STXBP6: variants seen among roughly 807,000 people sequenced by gnomAD.
STXBP6 encodes the protein syntaxin binding protein 6.
STXBP6 carries 21 observed loss-of-function variants against 26.9 expected under a neutral mutation model. The ratio of observed to expected loss-of-function variants is 0.78; its 90% CI spans 0.55 to 1.12. STXBP6 has a LOEUF of 1.12. STXBP6 is among the 50% of genes most tolerant of loss of function. STXBP6 has a pLI of 0.00. For missense variants in STXBP6, 232 were observed against 257.9 expected (o/e 0.90, Z 0.69); for synonymous variants, 97 against 92.6 (o/e 1.05, Z -0.27).
chr14:25,015,345 ACT>A (rs2075125838), intron 1 of STXBP6, among the ~76,000 whole-genome samples: 1 of 151,900 alleles, frequency 6.6e-6, no homozygotes, highest in Non-Finnish European at 1.5e-5. Flanking sequence ...CCTCTTGTGC[ACT>A]CCTCTATACC....
At chr14:25,047,672 C>T (rs980806620) in intron 1 of STXBP6, among the ~76,000 whole-genome samples, 4 of 152,198 alleles carry the variant, frequency 2.6e-5, no homozygotes, top group African/African-American at 9.6e-5. Context: ...CTGAGAACCA[C>T]TGCCCTAAGA....
chr14:24,911,333 C>T (rs902826110), intron 2 of STXBP6, among the ~76,000 whole-genome samples: 2 of 148,672 alleles, frequency 1.3e-5, no homozygotes, highest in Non-Finnish European at 3.0e-5. Context: ...CAAGACCCTG[C>T]CTCAAAGAAG....
intron 2 of STXBP6, among the ~76,000 whole-genome samples, chr14:24,918,897 C>T (rs2071874375): frequency 6.6e-6 from 1 of 152,126 alleles, no homozygotes; most frequent in Non-Finnish European, 1.5e-5. Context: ...ACTTACTGTA[C>T]TGTGAAATAA....
intron 2 of STXBP6, among the ~76,000 whole-genome samples, chr14:24,904,892 A>G (rs2071335386): frequency 6.6e-6 from 1 of 151,646 alleles, no homozygotes; most frequent in African/African-American, 2.4e-5. Context: ...CTATTTGATT[A>G]GAGAAAATTA....
chr14:24,910,579 AATCAAT>A (rs1482576154), intron 2 of STXBP6, among the ~76,000 whole-genome samples: 178 of 152,316 alleles, frequency 1.2e-3, no homozygotes, highest in African/African-American at 4.1e-3. Context: ...TCGGTCTTAA[AATCAAT>A]ATCTTTAAGC....
intron 1 of STXBP6, among the ~76,000 whole-genome samples, chr14:25,029,971 A>G (rs1236268932): frequency 1.3e-5 from 2 of 151,734 alleles, no homozygotes; most frequent in Non-Finnish European, 2.9e-5. Flanking sequence ...TCCTCACGGT[A>G]TGCAAGGCAG....
chr14:24,969,586 G>A (rs2073840327), intron 2 of STXBP6, among the ~76,000 whole-genome samples: 1 of 152,128 alleles, frequency 6.6e-6, no homozygotes. Flanking sequence ...ACTATAATCA[G>A]GTATGTAGTA....
intron 2 of STXBP6, among the ~76,000 whole-genome samples, chr14:24,953,793 T>C (rs924198899): frequency 6.6e-6 from 1 of 152,238 alleles, no homozygotes; most frequent in African/African-American, 2.4e-5. Flanking sequence ...ATAATTAGAA[T>C]TCTAAGCTGG....
At position 25,026,931 on chromosome 14, in the gene STXBP6, A is replaced by C. The variant is rs55945846; in HGVS notation, c.-33+22947T>G. ...ACCAGGTGAGAAAAGCAGTGAATACACAGAGCAGGAAATGAATGAAAGACT... is the reference window on the plus strand; with the variant it reads ...ACCAGGTGAGAAAAGCAGTGAATACCCAGAGCAGGAAATGAATGAAAGACT... On this transcript the variant is annotated intron_variant, in intron 1 of 5. Coordinates refer to ENST00000323944, the MANE Select transcript of STXBP6 (RefSeq NM_001394410.1). Among the ~76,000 whole-genome samples, 179 of 152,368 alleles carry C rather than the reference A, an allele frequency of 1.2e-3. 2 individuals are homozygous for C. The highest frequency in any genetic ancestry group is 4.2e-3 in the African/African-American group (173 of 41,594).
At chr14:24,825,203 G>A (rs953050407) in intron 4 of STXBP6, among the ~76,000 whole-genome samples, 2 of 152,148 alleles carry the variant, frequency 1.3e-5, no homozygotes, top group African/African-American at 4.8e-5. Context: ...TTAGTAGGGT[G>A]AAATTCCGCA....
At chr14:24,896,451 A>G (rs1395184349) in intron 2 of STXBP6, among the ~76,000 whole-genome samples, 2 of 152,194 alleles carry the variant, frequency 1.3e-5, no homozygotes, top group Non-Finnish European at 2.9e-5. Flanking sequence ...ATATGCAGTT[A>G]CCTGGGTCCC....
At chr14:24,931,395 T>A (rs1427659879) in intron 2 of STXBP6, among the ~76,000 whole-genome samples, 1 of 152,034 alleles carries the variant, frequency 6.6e-6, no homozygotes, top group Admixed American at 6.6e-5. Context: ...GAAAAAAAAG[T>A]AATTAAAAGC....
rs1010960407 is a variant in STXBP6 at position 24,810,053 on chromosome 14, T to C, written c.*2656A>G. 8.5e-5 allele frequency: 13 copies of C among 152,334 alleles called. No homozygotes were observed. Among genetic ancestry groups the C allele is most frequent in the African/African-American group, 2.9e-4 (12 of 41,564 alleles). The allele number at this position is 152,334 out of a possible 1,614,324, so 9.4% of individuals were successfully genotyped here. ...AATATGAAACATTAACCTGAATAACTGCATACTTTCTGTACACAGGTATCT... is the reference window on the plus strand; with the variant it reads ...AATATGAAACATTAACCTGAATAACCGCATACTTTCTGTACACAGGTATCT... On this transcript the variant is annotated 3_prime_UTR_variant, in exon 6 of 6. Transcript: ENST00000323944.
At chr14:25,008,892 A>T (rs1379818502) in intron 1 of STXBP6, among the ~76,000 whole-genome samples, 1 of 152,252 alleles carries the variant, frequency 6.6e-6, no homozygotes, top group East Asian at 1.9e-4. Context: ...AGTCACTCTA[A>T]CATCTTCCAC....
chr14:24,918,364 A>G (rs2071845061), intron 2 of STXBP6, among the ~76,000 whole-genome samples: 1 of 151,776 alleles, frequency 6.6e-6, no homozygotes, highest in South Asian at 2.1e-4. Flanking sequence ...AAATTTTGTC[A>G]ATACAAACCT....
At chr14:25,010,622 G>C (rs2075006668) in intron 1 of STXBP6, 1 of 152,188 alleles carries the variant, frequency 6.6e-6, no homozygotes, top group South Asian at 2.1e-4. Flanking sequence ...TGAAGGAGCA[G>C]AACTTTCTAA....
rs182293643 is a variant in STXBP6, at chr14:24,810,018, T to C, written c.*2691A>G. The C allele has an allele frequency of 6.6e-6, 1 of 152,354 alleles. No individual in the cohort carries two copies. The highest frequency in any genetic ancestry group is 1.9e-4 in the East Asian group (1 of 5,192). The allele number at this position is 152,354 out of a possible 1,614,324, so 9.4% of individuals were successfully genotyped here. A position where few individuals can be genotyped will look rare whatever the true frequency, so the allele number is the denominator to read the frequency against. On this transcript the variant is annotated 3_prime_UTR_variant, in exon 6 of 6. Coordinates refer to ENST00000323944, the MANE Select transcript of STXBP6 (RefSeq NM_001394410.1). ...TACTGATCATGTTACATTTTACAAATACATTCTTTAATATGAAACATTAAC... is the reference window on the plus strand; with the variant it reads ...TACTGATCATGTTACATTTTACAAACACATTCTTTAATATGAAACATTAAC...
intron 2 of STXBP6, among the ~76,000 whole-genome samples, chr14:24,903,726 G>C (rs1368636834): frequency 6.6e-6 from 1 of 152,058 alleles, no homozygotes; most frequent in African/African-American, 2.4e-5. Flanking sequence ...AAAAGAATAT[G>C]AACTTAAAAA....
chr14:24,843,424 T>C (rs927924171), intron 4 of STXBP6, among the ~76,000 whole-genome samples: 1 of 152,156 alleles, frequency 6.6e-6, no homozygotes, highest in Non-Finnish European at 1.5e-5. Context: ...CTATACAAAT[T>C]TCCCTTAACA....
Sources: allele counts gnomAD v4.1 joint callset (sites outside exome capture counted in the v4.1 genomes callset), GRCh38; gene constraint gnomAD v4.1.1; transcripts MANE v1.5; gene names NCBI Gene and HGNC (gene_info 2026-07-23, HGNC 2026-07-21).